VBP1: variants seen among roughly 807,000 people sequenced by gnomAD.
VBP1 encodes the protein VHL binding protein 1.
VBP1 carries 4 observed loss-of-function variants against 15.5 expected under a neutral mutation model. The ratio of observed to expected loss-of-function variants is 0.26; its 90% confidence interval spans 0.13 to 0.59. VBP1 has a LOEUF of 0.59. Ranked by LOEUF, VBP1 falls within the 20% of genes least tolerant of loss-of-function variation. The pLI, the probability that VBP1 is intolerant of heterozygous loss-of-function variation, is 0.90. For missense variants in VBP1, 108 were observed against 139.6 expected, an observed-to-expected ratio of 0.77 and a Z score of 1.14; for synonymous variants, 61 against 52.1, an observed-to-expected ratio of 1.17 and a Z score of -0.74.
At chrX:155,212,662 A>G (rs57772373), upstream of VBP1, among the ~76,000 whole-genome samples, 3,276 of 111,917 alleles carry the variant, frequency 0.029, 113 homozygotes, top group African/African-American at 0.098. Context: ...GTTAAATGAC[A>G]GGGTTAAACT....
intron 1 of VBP1, among the ~76,000 whole-genome samples, chrX:155,219,231 T>A (rs1437239171): frequency 8.9e-6 from 1 of 112,424 alleles, no homozygotes; most frequent in African/African-American, 3.2e-5. Flanking sequence ...AAGTTACTTA[T>A]AATAAAGAAC....
chrX:155,208,694 A>G (rs1557308270), intron 1 of VBP1, among the ~76,000 whole-genome samples: 1 of 111,586 alleles, frequency 9.0e-6, no homozygotes, highest in East Asian at 2.8e-4. Flanking sequence ...GCCCCTTCAC[A>G]GATACATTTT....
intron 1 of VBP1, among the ~76,000 whole-genome samples, chrX:155,205,646 C>G (rs965379415): frequency 4.5e-5 from 5 of 111,579 alleles, no homozygotes; most frequent in Non-Finnish European, 9.4e-5. Context: ...GAGTGATTGG[C>G]TTACAGTTTA....
chrX:155,228,064 G>GGT (rs1406214295), intron 3 of VBP1, among the ~76,000 whole-genome samples: 2 of 111,234 alleles, frequency 1.8e-5, no homozygotes, highest in African/African-American at 6.5e-5. Context: ...GGCACTCGGG[G>GGT]GTGTGTGTGT....
intron 2 of VBP1, among the ~76,000 whole-genome samples, chrX:155,221,568 A>G (rs1026512997): frequency 8.9e-6 from 1 of 112,101 alleles, no homozygotes; most frequent in African/African-American, 3.2e-5. Flanking sequence ...TATAAATAAA[A>G]TTAGCACACA....
chrX:155,226,014 T>G (rs986488279), intron 2 of VBP1, among the ~76,000 whole-genome samples: 5 of 112,272 alleles, frequency 4.5e-5, no homozygotes, highest in Non-Finnish European at 9.4e-5. Flanking sequence ...TTCTTTTATG[T>G]GACGCAATAA....
At chrX:155,198,061 G>A (rs1385363957) in intron 1 of VBP1, among the ~76,000 whole-genome samples, 1 of 112,539 alleles carries the variant, frequency 8.9e-6, no homozygotes, top group Non-Finnish European at 1.9e-5. Context: ...TGGGGGAGGG[G>A]CGCCCGCCAT....
upstream of VBP1, among the ~76,000 whole-genome samples, chrX:155,212,285 T>G (rs138722887): frequency 0.021 from 2,310 of 111,913 alleles, 30 homozygotes; most frequent in South Asian, 0.036. Context: ...TTCAGGAACA[T>G]GAAAGCAGAG....
intron 1 of VBP1, among the ~76,000 whole-genome samples, chrX:155,201,881 C>G (rs2074605636): frequency 8.9e-6 from 1 of 111,800 alleles, no homozygotes. Context: ...AGCCCAAAAT[C>G]TCCTTAAGCT....
chrX:155,203,844 C>T (rs185136564), intron 1 of VBP1, among the ~76,000 whole-genome samples: 29 of 112,028 alleles, frequency 2.6e-4, no homozygotes, highest in Admixed American at 2.5e-3. Context: ...CTATACCTTG[C>T]ATGAGTAGTC....
intron 4 of VBP1, among the ~76,000 whole-genome samples, chrX:155,229,542 C>T (rs1479090832): frequency 8.9e-6 from 1 of 111,952 alleles, no homozygotes; most frequent in Non-Finnish European, 1.9e-5. Flanking sequence ...TTCAGTTATT[C>T]GATGTGTTTC....
intron 4 of VBP1, among the ~76,000 whole-genome samples, chrX:155,235,788 A>C (rs1189055001): frequency 7.1e-5 from 8 of 112,357 alleles, no homozygotes; most frequent in African/African-American, 2.6e-4. Context: ...GGTAGTAGAA[A>C]GATAGGATTT....
intron 1 of VBP1, among the ~76,000 whole-genome samples, chrX:155,203,158 G>A (rs1272996341): frequency 9.0e-6 from 1 of 111,370 alleles, no homozygotes; most frequent in African/African-American, 3.3e-5. Context: ...TTACACTGTT[G>A]GTGGGACTGT....
chrX:155,231,880 G>A (rs782243763), intron 4 of VBP1, among the ~76,000 whole-genome samples: 8 of 111,208 alleles, frequency 7.2e-5, no homozygotes, highest in East Asian at 2.8e-4. Context: ...TACAGTGAGC[G>A]GTGCTGTAGT....
At position 155,203,527 on chromosome X, in the gene VBP1, G is replaced by A. The variant is rs1312604792; in HGVS notation, c.-30-5347G>A. Among the ~76,000 whole-genome samples, 4 of 101,884 alleles carry A rather than the reference G, an allele frequency of 3.9e-5. No individual in the cohort carries two copies. The South Asian group carries it at 1.9e-3, about 49-fold the overall frequency. The allele number at this position is 101,884 out of a possible 115,157, so 88.5% of individuals were successfully genotyped here. ...TCGCAAGGACAAAAAACCAAACACC[G>A]CATGTTCTCACTCATAGGTGGGAAT... is the stretch of plus-strand genomic sequence containing the variant. On this transcript the variant is annotated intron_variant, in intron 1 of 6. Coordinates refer to the VBP1 transcript ENST00000535916.
intron 2 of VBP1, among the ~76,000 whole-genome samples, chrX:155,222,205 G>A (rs1006186290): frequency 2.7e-4 from 30 of 112,570 alleles, no homozygotes; most frequent in African/African-American, 9.3e-4. Context: ...GCCTTGGGGC[G>A]GGGTGCAGTG....
intron 2 of VBP1, 194 bp from the exon 3 acceptor site, chrX:155,227,041 A>G: frequency 6.8e-6 from 1 of 147,035 alleles, no homozygotes; most frequent in Non-Finnish European, 1.4e-5. Flanking sequence ...CTTTTGGTGA[A>G]TATTTCTTTA....
chrX:155,203,108 C>G (rs1408142460), intron 1 of VBP1, among the ~76,000 whole-genome samples: 13 of 111,729 alleles, frequency 1.2e-4, no homozygotes, highest in Non-Finnish European at 2.1e-4. Context: ...AGTCAGGAAA[C>G]AACTGGTGCT....
intron 2 of VBP1, among the ~76,000 whole-genome samples, chrX:155,223,792 C>A (rs1236284358): frequency 2.0e-5 from 2 of 102,431 alleles, no homozygotes; most frequent in African/African-American, 3.6e-5. Flanking sequence ...GGCACCCCCC[C>A]ACCTCCCGGA....
Sources: gnomAD v4.1 joint callset for allele counts (sites outside exome capture counted in the v4.1 genomes callset) on GRCh38, gnomAD v4.1.1 for gene constraint, MANE v1.5 for transcripts, NCBI Gene and HGNC (gene_info 2026-07-23, HGNC 2026-07-21) for gene names.